FMN2: variants seen among roughly 807,000 people sequenced by gnomAD.
The protein encoded by FMN2 is formin-2.
In FMN2, 51 loss-of-function variants were observed where a neutral mutation model predicts 142.3. The observed-to-expected ratio is 0.36, with a 90% confidence interval of 0.29 to 0.45. FMN2 has a LOEUF of 0.45. Among genes scored for constraint, FMN2 ranks in the 20% least tolerant of loss-of-function variants. The pLI, the probability that FMN2 is intolerant of heterozygous loss-of-function variation, is 1.00. For missense variants in FMN2, 1,936 were observed against 2,122.8 expected (o/e 0.91, Z 1.73); for synonymous variants, 882 against 869.8 (o/e 1.01, Z -0.25).
rs975549424 is a variant in FMN2 at position 240,093,024 on chromosome 1, C to T, written c.915C>T (p.Pro305=). ...SPGGLPVSEA[P]SLPAAQPAAK... ...GCGGCCTCCCGGTCTCCGAGGCGCC[C>T]AGTCTCCCGGCAGCGCAACCCGCGG... Residue 305 remains proline, a synonymous_variant, in exon 1 of 18, where the codon CCC becomes CCT. Transcript: ENST00000319653. 7 of 1,396,484 alleles carry T rather than the reference C, an allele frequency of 5.0e-6. No individual in the cohort carries two copies. The highest frequency in any genetic ancestry group is 6.5e-6 in the Non-Finnish European group (7 of 1,083,760). 86.5% of individuals were successfully genotyped at this position (1,396,484 alleles called of 1,614,324 possible).
intron 7 of FMN2, among the ~76,000 whole-genome samples, chr1:240,292,725 T>C (rs1440049418): frequency 6.6e-6 from 1 of 152,160 alleles, no homozygotes; most frequent in African/African-American, 2.4e-5. Context: ...TAGCATATGC[T>C]TTTTAAACTG....
intron 7 of FMN2, among the ~76,000 whole-genome samples, chr1:240,265,913 G>GT (rs1352056925): frequency 0.069 from 7,025 of 101,956 alleles, 199 homozygotes; most frequent in East Asian, 0.1. Flanking sequence ...ACTTAAAGGG[G>GT]TTTGTTTTTT....
chr1:240,133,035 A>G (rs1018538077), intron 2 of FMN2, among the ~76,000 whole-genome samples: 2 of 152,184 alleles, frequency 1.3e-5, no homozygotes, highest in African/African-American at 4.8e-5. Flanking sequence ...TAGTGGGTAG[A>G]GACTGGGGCA....
intron 15 of FMN2, among the ~76,000 whole-genome samples, chr1:240,405,745 G>A (rs185468735): frequency 1.3e-5 from 2 of 152,234 alleles, no homozygotes; most frequent in East Asian, 1.9e-4. Flanking sequence ...AATAAATTGA[G>A]TCTACAATCA....
rs920098576 is a variant in FMN2, at chr1:240,093,567, G to A, written c.1458G>A (p.Thr486=). 52 of 1,475,202 alleles carry A rather than the reference G, an allele frequency of 3.5e-5. No individual in the cohort carries two copies. The highest frequency in any genetic ancestry group is 4.2e-5 in the Non-Finnish European group (47 of 1,123,230). 91.4% of individuals were successfully genotyped at this position (1,475,202 alleles called of 1,614,324 possible). A position where few individuals can be genotyped will look rare whatever the true frequency, so the allele number is the denominator to read the frequency against. Reference sequence around the variant, plus strand: ...GCCTGAGCCGCTCGGCTGACTGGACGGAGGAGCTAGGCGCCCGCACGCCCC... The same window carrying A: ...GCCTGAGCCGCTCGGCTGACTGGACAGAGGAGCTAGGCGCCCGCACGCCCC... ...AAGLSRSADW[T]EELGARTPRV... The change falls in exon 1 of 18, where the codon ACG becomes ACA. Residue 486 remains threonine, a synonymous_variant. Transcript: ENST00000319653.
Position 240,474,271 on chromosome 1 carries a change from ATAATCTTTTTGTTTTC to A in FMN2, c.*120_*135del. ...CTCATGTTTCTTCTTGACCTCTTGC[ATAATCTTTTTGTTTTC>A]TAGACAGTTCACTAATTGTTGAATT... On this transcript the variant is annotated 3_prime_UTR_variant, in exon 18 of 18. Transcript: ENST00000319653. The A allele has an allele frequency of 1.0e-6, 1 of 954,950 alleles. No homozygotes were observed. The highest frequency in any genetic ancestry group is 1.5e-6 in the Non-Finnish European group (1 of 666,090). The allele number at this position is 954,950 out of a possible 1,614,324, so 59.2% of individuals were successfully genotyped here. A position where few individuals can be genotyped will look rare whatever the true frequency, so the allele number is the denominator to read the frequency against.
intron 4 of FMN2, among the ~76,000 whole-genome samples, chr1:240,190,007 C>G (rs1009583593): frequency 6.6e-6 from 1 of 152,068 alleles, no homozygotes; most frequent in Non-Finnish European, 1.5e-5. Context: ...AGAACCTGAA[C>G]AGGAAGTATT....
chr1:240,211,015 C>G, intron 5 of FMN2, 76 bp from the exon 6 acceptor site: 1 of 1,410,664 alleles, frequency 7.1e-7, no homozygotes. Flanking sequence ...CCCTCCCCTT[C>G]TTCCTTTCTA....
At position 240,093,214 on chromosome 1, in the gene FMN2, G is replaced by A. The variant is rs1661068192; in HGVS notation, c.1105G>A (p.Glu369Lys). 1.3e-5 allele frequency: 19 copies of A among 1,512,616 alleles called. No homozygotes were observed. The highest frequency in any genetic ancestry group is 1.7e-5 in the Non-Finnish European group (19 of 1,131,870). 93.7% of individuals were successfully genotyped at this position (1,512,616 alleles called of 1,614,324 possible). ...RGSPGEEWAPEVGEDAPQRLG... is the reference protein window; with the variant it reads ...RGSPGEEWAPKVGEDAPQRLG... ...CTCTCCGGGGGAGGAGTGGGCCCCG[G>A]AGGTGGGAGAGGACGCCCCGCAGAG... The change falls in exon 1 of 18, where the codon GAG becomes AAG. Residue 369 changes from glutamate (E) to lysine (K), a missense_variant. This residue lies in a region of FMN2 where 751 missense variants were observed against 791.8 expected (regional missense o/e 0.95). Transcript: ENST00000319653.
intron 4 of FMN2, among the ~76,000 whole-genome samples, chr1:240,194,262 A>G (rs1322224995): frequency 6.6e-6 from 1 of 152,146 alleles, no homozygotes; most frequent in African/African-American, 2.4e-5. Flanking sequence ...TATTCATACC[A>G]TAGTGGTTGA....
intron 2 of FMN2, among the ~76,000 whole-genome samples, chr1:240,156,428 G>T (rs1664028785): frequency 6.6e-6 from 1 of 152,138 alleles, no homozygotes; most frequent in African/African-American, 2.4e-5. Flanking sequence ...AGATGTCTCG[G>T]CAGAGGCATT....
chr1:240,136,599 C>A (rs1407627104), intron 2 of FMN2, among the ~76,000 whole-genome samples: 1 of 152,056 alleles, frequency 6.6e-6, no homozygotes, highest in African/African-American at 2.4e-5. Flanking sequence ...ACTCAGAATT[C>A]ATTTTGAATT....
chr1:240,275,811 T>C (rs965608388), intron 7 of FMN2, among the ~76,000 whole-genome samples: 1 of 152,250 alleles, frequency 6.6e-6, no homozygotes, highest in African/African-American at 2.4e-5. Flanking sequence ...TGTCTCACTG[T>C]GGTTTTGATT....
At chr1:240,185,797 G>A (rs1190282381) in intron 3 of FMN2, among the ~76,000 whole-genome samples, 2 of 152,150 alleles carry the variant, frequency 1.3e-5, no homozygotes, top group East Asian at 1.9e-4. Context: ...TTCCCCACTG[G>A]TACAAAGCCA....
intron 16 of FMN2, among the ~76,000 whole-genome samples, chr1:240,459,717 T>TAAAAAAAAAAAAAAA (rs57065226): frequency 1.5e-4 from 10 of 67,128 alleles, no homozygotes; most frequent in African/African-American, 2.6e-4. Flanking sequence ...ACTCTGTCTC[T>TAAAAAAAAAAAAAAA]AAAAAAAAAA....
At chr1:240,137,948 G>T (rs1201793215) in intron 2 of FMN2, among the ~76,000 whole-genome samples, 2 of 151,392 alleles carry the variant, frequency 1.3e-5, no homozygotes, top group African/African-American at 4.9e-5. Flanking sequence ...AAATTAGCCG[G>T]GTGCAGTCGT....
chr1:240,161,115 A>G (rs1341980805), intron 2 of FMN2, among the ~76,000 whole-genome samples: 1 of 151,928 alleles, frequency 6.6e-6, no homozygotes, highest in Non-Finnish European at 1.5e-5. Context: ...TATGGTTTTG[A>G]ATTTTTTTAT....
At chr1:240,243,305 A>G (rs1667973734) in intron 6 of FMN2, among the ~76,000 whole-genome samples, 1 of 152,184 alleles carries the variant, frequency 6.6e-6, no homozygotes, top group Admixed American at 6.5e-5. Context: ...CATTGGGTCA[A>G]AAATCTAGAG....
intron 8 of FMN2, among the ~76,000 whole-genome samples, chr1:240,307,599 T>C (rs1670454187): frequency 6.6e-6 from 1 of 152,208 alleles, no homozygotes; most frequent in East Asian, 1.9e-4. Context: ...GATCCATTGA[T>C]CTGTATGTCT....
Sources: allele counts gnomAD v4.1 joint callset (sites outside exome capture counted in the v4.1 genomes callset), GRCh38; gene constraint gnomAD v4.1.1; regional missense constraint gnomAD v4.1.1; transcripts MANE v1.5; gene names NCBI Gene and HGNC (gene_info 2026-07-23, HGNC 2026-07-21).